Variants in ADAMTS12 observed in about 807,000 individuals in gnomAD.
ADAMTS12 encodes ADAM metallopeptidase with thrombospondin type 1 motif 12.
ADAMTS12 carries 118 observed loss-of-function variants against 167.8 expected under a neutral mutation model. The observed-to-expected ratio is 0.70, with a 90% confidence interval of 0.61 to 0.82. The LOEUF (loss-of-function observed/expected upper bound fraction) is 0.82, where lower values mean the gene tolerates loss of function less well. Ranked by LOEUF, ADAMTS12 falls within the 40% of genes least tolerant of loss-of-function variation. The pLI is 0.00. For synonymous variants in ADAMTS12, 704 were observed against 716.9 expected (o/e 0.98, Z 0.29); for missense variants, 1,916 against 1,998.8 (o/e 0.96, Z 0.79).
At chr5:33,832,288 G>A (rs1748331100) in intron 2 of ADAMTS12, among the ~76,000 whole-genome samples, 2 of 152,110 alleles carry the variant, frequency 1.3e-5, no homozygotes, top group South Asian at 4.1e-4. Context: ...ATTCATCGAA[G>A]TCCACAAGCT....
chr5:33,877,661 G>T (rs1440655586), intron 2 of ADAMTS12, among the ~76,000 whole-genome samples: 1 of 152,210 alleles, frequency 6.6e-6, no homozygotes, highest in Non-Finnish European at 1.5e-5. Context: ...GAGGACAGCT[G>T]CTGAGCCGAG....
chr5:33,543,936 C>T (rs897956629), intron 22 of ADAMTS12, among the ~76,000 whole-genome samples: 5 of 152,154 alleles, frequency 3.3e-5, no homozygotes, highest in African/African-American at 7.2e-5. Context: ...GAAGCATTCC[C>T]TTTGAAAACT....
chr5:33,568,036 A>G (rs1746098893), intron 19 of ADAMTS12, among the ~76,000 whole-genome samples: 1 of 152,204 alleles, frequency 6.6e-6, no homozygotes, highest in Non-Finnish European at 1.5e-5. Flanking sequence ...ATCTCCTGAC[A>G]CTGTGGTAAA....
In ADAMTS12 at chr5:33,637,653, C is replaced by T. The variant is rs199691970; in HGVS notation, c.1812G>A (p.Arg604=). 36 of 1,613,794 alleles carry T rather than the reference C, an allele frequency of 2.2e-5. No homozygotes were observed. The East Asian group carries it at 3.6e-4, about 16-fold the overall frequency. The part of the protein sequence containing the change: ...HPCRSEAPTF[R]QMQCSEFDTV... The stretch of plus-strand genomic sequence containing the variant: ...TGTCAAATTCACTGCACTGCATCTG[C>T]CGAAATGTTGGTGCCTCTGAGCGAC... The change falls in exon 12 of 24, where the codon CGG becomes CGA. Residue 604 remains arginine (R), a synonymous_variant. Transcript: ENST00000504830.
intron 9 of ADAMTS12, 90 bp downstream of exon 9, chr5:33,648,732 G>T: frequency 7.0e-7 from 1 of 1,432,334 alleles, no homozygotes; most frequent in Non-Finnish European, 9.5e-7. Flanking sequence ...GTGTCTGGAT[G>T]TTCAGTTATT....
intron 3 of ADAMTS12, among the ~76,000 whole-genome samples, chr5:33,716,920 A>G (rs1370053805): frequency 2.0e-5 from 3 of 152,286 alleles, no homozygotes; most frequent in East Asian, 3.9e-4. Context: ...CTTGTCTAAT[A>G]GGACTAAATC....
chr5:33,806,459 C>CT (rs1163387100), intron 2 of ADAMTS12, among the ~76,000 whole-genome samples: 1 of 152,192 alleles, frequency 6.6e-6, no homozygotes, highest in Non-Finnish European at 1.5e-5. Flanking sequence ...AACTTTTTAA[C>CT]TTTTTAACAT....
intron 2 of ADAMTS12, among the ~76,000 whole-genome samples, chr5:33,781,636 A>G (rs1029613563): frequency 6.6e-6 from 1 of 152,228 alleles, no homozygotes; most frequent in African/African-American, 2.4e-5. Flanking sequence ...AAGGTCAACC[A>G]GTAAATTTAT....
chr5:33,771,838 C>CT lies in ADAMTS12; in HGVS notation c.490-20291dup, dbSNP rs1282325654. Among the ~76,000 whole-genome samples the CT allele has an allele frequency of 4.4e-3, 637 of 144,284 alleles. 4 individuals are homozygous for CT. Among genetic ancestry groups the CT allele is most frequent in the African/African-American group, 0.013 (514 of 39,482 alleles). The allele number at this position is 144,284 out of a possible 152,430, so 94.7% of individuals were successfully genotyped here. A position where few individuals can be genotyped will look rare whatever the true frequency, so the allele number is the denominator to read the frequency against. ...CCTCATCCTTTTTCTTTCTTTCTTT[C>CT]TTTTTTTTTTTTGACAAGGTCTTGC... On this transcript the variant is annotated intron_variant, in intron 2 of 23. Transcript: ENST00000504830.
Position 33,549,367 on chromosome 5 carries a change from C to T in ADAMTS12, c.4142G>A (p.Ser1381Asn). The T allele has an allele frequency of 8.1e-6, 13 of 1,613,766 alleles. No homozygotes were observed. The highest frequency in any genetic ancestry group is 1.0e-5 in the Non-Finnish European group (12 of 1,179,662). ...AATCTCGCGTATCTTGAAGCCCCCA[C>T]TGCAGTTTCTGGAGCACTGTATGGA... is the stretch of plus-strand genomic sequence containing the variant. ...GNWSKCSRNC[S>N]GGFKIREIQC... Residue 1381 changes from serine to asparagine, a missense_variant, in exon 21 of 24, where the codon AGT becomes AAT. Coordinates refer to ENST00000504830, the MANE Select transcript of ADAMTS12 (RefSeq NM_030955.4).
At chr5:33,588,158 A>C (rs1400106478) in intron 18 of ADAMTS12, among the ~76,000 whole-genome samples, 1 of 152,174 alleles carries the variant, frequency 6.6e-6, no homozygotes, top group Non-Finnish European at 1.5e-5. Flanking sequence ...TGGTGAATAG[A>C]TGGATAATTT....
In ADAMTS12 at chr5:33,810,690, G is replaced by A. The variant is rs575697691; in HGVS notation, c.490-59142C>T. On this transcript the variant is annotated intron_variant, in intron 2 of 23. Transcript: ENST00000504830. Reference sequence around the variant, plus strand: ...TGAGTACCAGCAAAACAAGGGATATGACAGCATCATCCAGGAATTTTGCCC... The same window carrying A: ...TGAGTACCAGCAAAACAAGGGATATAACAGCATCATCCAGGAATTTTGCCC... Among the ~76,000 whole-genome samples the A allele has an allele frequency of 1.3e-4, 20 of 152,316 alleles. No homozygotes were observed. In the East Asian group the frequency reaches 2.7e-3, roughly 21 times the overall value.
intron 17 of ADAMTS12, among the ~76,000 whole-genome samples, chr5:33,590,177 GT>G: frequency 6.6e-6 from 1 of 152,226 alleles, no homozygotes; most frequent in Non-Finnish European, 1.5e-5. Context: ...CTTAATCTGA[GT>G]TGGTTGAAAG....
intron 11 of ADAMTS12, among the ~76,000 whole-genome samples, chr5:33,639,559 A>G (rs1740362625): frequency 6.6e-6 from 1 of 152,198 alleles, no homozygotes; most frequent in African/African-American, 2.4e-5. Flanking sequence ...ATGTCGAGCG[A>G]GCAGTCCAGA....
intron 2 of ADAMTS12, among the ~76,000 whole-genome samples, chr5:33,769,094 G>T (rs897081991): frequency 3.0e-4 from 45 of 151,970 alleles, no homozygotes; most frequent in Admixed American, 2.7e-3. Flanking sequence ...CAGAGAGATG[G>T]CAGTATGAGA....
chr5:33,705,211 A>T (rs1743148091), intron 3 of ADAMTS12, among the ~76,000 whole-genome samples: 1 of 151,588 alleles, frequency 6.6e-6, no homozygotes, highest in Admixed American at 6.6e-5. Context: ...AACTCCTTCT[A>T]GGTTGCTGCA....
At chr5:33,881,896 C>G (rs1750463097) in intron 1 of ADAMTS12, among the ~76,000 whole-genome samples, 1 of 152,006 alleles carries the variant, frequency 6.6e-6, no homozygotes, top group Admixed American at 6.6e-5. Context: ...ATTACAAAAT[C>G]CCACTGTTGA....
chr5:33,783,366 GA>G (rs1275565044), intron 2 of ADAMTS12, among the ~76,000 whole-genome samples: 2 of 150,616 alleles, frequency 1.3e-5, no homozygotes, highest in Admixed American at 1.3e-4. Context: ...CTAAAGTAAG[GA>G]AAAAATAAAG....
chr5:33,745,317 G>C (rs1744741102), intron 3 of ADAMTS12, among the ~76,000 whole-genome samples: 1 of 152,140 alleles, frequency 6.6e-6, no homozygotes. Flanking sequence ...AAAACTCAAA[G>C]CTACTTATTC....
Sources: allele counts gnomAD v4.1 joint callset (sites outside exome capture counted in the v4.1 genomes callset), GRCh38; gene constraint gnomAD v4.1.1; transcripts MANE v1.5; gene names NCBI Gene and HGNC (gene_info 2026-07-23, HGNC 2026-07-21).